The following VWA8 variants were observed in gnomAD, a reference collection of about 807,000 sequenced individuals.
VWA8 encodes von Willebrand factor A domain-containing protein 8.
Under a neutral mutation model 241.5 loss-of-function variants are expected in VWA8, and 221 were observed. That is an observed-to-expected ratio of 0.91 (90% CI 0.82 to 1.02). VWA8 has a LOEUF of 1.02. VWA8 is among the 50% of genes least tolerant of loss of function. The pLI, the probability that VWA8 is intolerant of heterozygous loss-of-function variation, is 0.00. For synonymous variants in VWA8, 852 were observed against 827.1 expected (o/e 1.03, Z -0.52); for missense variants, 2,322 against 2,328.7 (o/e 1.00, Z 0.06).
At chr13:41,686,925 G>A (rs1382908362) in intron 34 of VWA8, among the ~76,000 whole-genome samples, 1 of 151,970 alleles carries the variant, frequency 6.6e-6, no homozygotes, top group Non-Finnish European at 1.5e-5. Flanking sequence ...ATCCTGTTTG[G>A]GCTTAACGTC....
intron 2 of VWA8, among the ~76,000 whole-genome samples, chr13:41,928,065 A>C (rs1398852800): frequency 6.6e-6 from 1 of 152,224 alleles, no homozygotes; most frequent in Non-Finnish European, 1.5e-5. Flanking sequence ...ACAATTATAA[A>C]TATATATTCA....
chr13:41,793,638 C>T (rs533042361), intron 17 of VWA8, among the ~76,000 whole-genome samples: 1 of 152,074 alleles, frequency 6.6e-6, no homozygotes, highest in South Asian at 2.1e-4. Flanking sequence ...ATGGTGAAAC[C>T]CCATCTGTAC....
chr13:41,639,265 T>C (rs2044779482), intron 37 of VWA8, among the ~76,000 whole-genome samples: 2 of 151,972 alleles, frequency 1.3e-5, no homozygotes, highest in South Asian at 2.1e-4. Flanking sequence ...AAGTGCTAGA[T>C]AGATGTGAAA....
In VWA8 at chr13:41,777,966, G is replaced by T. The variant is rs750385998; in HGVS notation, c.2349+19C>A. On this transcript the variant is annotated intron_variant, in intron 20 of 44. Transcript: ENST00000379310. ...ACTATCATTTTTTCATTGGTACCTAGATTTTAGCCATAACTCACCTGGTTG... is the reference window on the plus strand; with the variant it reads ...ACTATCATTTTTTCATTGGTACCTATATTTTAGCCATAACTCACCTGGTTG... The T allele has an allele frequency of 6.3e-7, 1 of 1,591,492 alleles. No homozygotes were observed. Among genetic ancestry groups the T allele is most frequent in the Non-Finnish European group, 8.5e-7 (1 of 1,169,812 alleles).
chr13:41,955,120 C>G (rs1191234318), intron 1 of VWA8, among the ~76,000 whole-genome samples: 1 of 151,854 alleles, frequency 6.6e-6, no homozygotes, highest in Non-Finnish European at 1.5e-5. Context: ...AATGTTTTCT[C>G]CTTTGAAAAC....
At chr13:41,866,922 T>C (rs958220810) in intron 10 of VWA8, among the ~76,000 whole-genome samples, 2 of 152,194 alleles carry the variant, frequency 1.3e-5, no homozygotes, top group African/African-American at 2.4e-5. Context: ...TCTTCCCCTT[T>C]TATTATTTAT....
At chr13:41,806,693 CCT>C (rs560010194) in intron 17 of VWA8, among the ~76,000 whole-genome samples, 2 of 151,566 alleles carry the variant, frequency 1.3e-5, no homozygotes, top group South Asian at 4.2e-4. Context: ...ACAGAGCAAG[CCT>C]CTGTCTCAAA....
At chr13:41,894,454 T>C (rs1875003613) in intron 4 of VWA8, among the ~76,000 whole-genome samples, 1 of 152,178 alleles carries the variant, frequency 6.6e-6, no homozygotes, top group Non-Finnish European at 1.5e-5. Context: ...CTGCAACTTT[T>C]CTCCACAGTC....
At chr13:41,759,041 AT>A (rs778352304) in intron 21 of VWA8, among the ~76,000 whole-genome samples, 6 of 151,518 alleles carry the variant, frequency 4.0e-5, no homozygotes, top group Non-Finnish European at 8.9e-5. Flanking sequence ...CTTTTTATAT[AT>A]TGTTGAATTT....
chr13:41,820,550 A>G (rs1389444834), intron 14 of VWA8, among the ~76,000 whole-genome samples: 2 of 152,236 alleles, frequency 1.3e-5, no homozygotes, highest in Non-Finnish European at 2.9e-5. Context: ...TGAAAGGCCT[A>G]GATGAAATGA....
chr13:41,755,099 C>A (rs1178145713), intron 21 of VWA8, among the ~76,000 whole-genome samples: 3 of 151,854 alleles, frequency 2.0e-5, no homozygotes, highest in African/African-American at 7.3e-5. Flanking sequence ...TTCAATATAC[C>A]GATTTTCTTT....
intron 2 of VWA8, among the ~76,000 whole-genome samples, chr13:41,917,399 G>C (rs1298960532): frequency 6.6e-6 from 1 of 151,906 alleles, no homozygotes; most frequent in Non-Finnish European, 1.5e-5. Flanking sequence ...GACTCTTTCA[G>C]GTCTGTTTCC....
chr13:41,648,384 T>C (rs2044846523), intron 37 of VWA8, among the ~76,000 whole-genome samples: 1 of 152,212 alleles, frequency 6.6e-6, no homozygotes, highest in African/African-American at 2.4e-5. Flanking sequence ...TCTGAAATAG[T>C]TCTTCCCTTG....
At chr13:41,818,792 A>G (rs917196405) in intron 15 of VWA8, among the ~76,000 whole-genome samples, 1 of 152,178 alleles carries the variant, frequency 6.6e-6, no homozygotes, top group Non-Finnish European at 1.5e-5. Context: ...CTCCTTTTAT[A>G]GTAGGAACTT....
At chr13:41,900,343 T>G (rs1044609259) in intron 4 of VWA8, among the ~76,000 whole-genome samples, 3 of 152,176 alleles carry the variant, frequency 2.0e-5, no homozygotes, top group African/African-American at 7.2e-5. Context: ...AAGTAGAAAT[T>G]AGACCATCTA....
In VWA8 at chr13:41,905,396, T is replaced by C. The variant is rs575108290; in HGVS notation, c.483+2190A>G. 3.9e-4 allele frequency among the ~76,000 whole-genome samples: 59 copies of C among 152,230 alleles called. 1 individual carries two copies. In the South Asian group the frequency reaches 0.012, roughly 31 times the overall value. On this transcript the variant is annotated intron_variant, in intron 4 of 44. Coordinates refer to ENST00000379310, the MANE Select transcript of VWA8 (RefSeq NM_015058.2). The stretch of plus-strand genomic sequence containing the variant: ...TATTACCATTTATAGGTAATGTACA[T>C]GAGCACAAAGAGCTCTTTAAAAATT...
chr13:41,676,095 A>T (rs1460189736), intron 35 of VWA8, among the ~76,000 whole-genome samples: 1 of 152,154 alleles, frequency 6.6e-6, no homozygotes, highest in Non-Finnish European at 1.5e-5. Flanking sequence ...GTATAATTGC[A>T]TCATGTTATA....
chr13:41,875,167 C>A (rs903746328), intron 9 of VWA8, among the ~76,000 whole-genome samples: 3 of 152,082 alleles, frequency 2.0e-5, no homozygotes, highest in African/African-American at 7.2e-5. Context: ...CCCACTGTTT[C>A]AGTAGAAAGG....
At chr13:41,921,767 C>G (rs569753377) in intron 2 of VWA8, among the ~76,000 whole-genome samples, 380 of 152,212 alleles carry the variant, frequency 2.5e-3, no homozygotes, top group Non-Finnish European at 4.1e-3. Flanking sequence ...ACAAACCACT[C>G]CTCAACTAAA....
Sources: gnomAD v4.1 joint callset for allele counts (sites outside exome capture counted in the v4.1 genomes callset) on GRCh38, gnomAD v4.1.1 for gene constraint, MANE v1.5 for transcripts, NCBI Gene and HGNC (gene_info 2026-07-23, HGNC 2026-07-21) for gene names.